HUWE1: variants seen among roughly 807,000 people sequenced by gnomAD.
The protein encoded by HUWE1 is E3 ubiquitin-protein ligase HUWE1.
HUWE1 carries 18 observed loss-of-function variants against 299.4 expected under a neutral mutation model. The ratio of observed to expected loss-of-function variants is 0.06; its 90% confidence interval spans 0.04 to 0.09. The LOEUF (loss-of-function observed/expected upper bound fraction) is 0.09, where lower values mean the gene tolerates loss of function less well. HUWE1 is among the 10% of genes least tolerant of loss of function. HUWE1 has a pLI of 1.00. For synonymous variants in HUWE1, 1,317 were observed against 1,286.1 expected (o/e 1.02, Z -0.51); for missense variants, 1,832 against 3,462.3 (o/e 0.53, Z 11.82).
At chrX:53,626,398 T>C (rs1557017811) in intron 17 of HUWE1, among the ~76,000 whole-genome samples, 1 of 110,775 alleles carries the variant, frequency 9.0e-6, no homozygotes, top group Non-Finnish European at 1.9e-5. Context: ...AAAAGAGTAA[T>C]TAATAAATAT....
rs2062225730 is a variant in HUWE1 at position 53,560,319 on chromosome X, T to G, written c.7605A>C (p.Ser2535=). 8.3e-7 allele frequency: 1 copy of G among 1,211,549 alleles called. No homozygotes were observed. Among genetic ancestry groups the G allele is most frequent in the Admixed American group, 2.2e-5 (1 of 46,039 alleles). The change falls in exon 56 of 84, where the codon TCA becomes TCC. Residue 2535 remains serine, a synonymous_variant. Coordinates refer to ENST00000262854, the MANE Select transcript of HUWE1 (RefSeq NM_031407.7). ...HSSLTLGSGS[S]TTRLTQGIGR... ...CGATGCCCTGGGTGAGACGAGTTGT[T>G]GAAGAGCCACTGCCCAGTGTCAGAG...
chrX:53,592,358 T>G, intron 33 of HUWE1, 40 bp downstream of exon 33: 1 of 1,006,452 alleles, frequency 9.9e-7, no homozygotes, highest in Non-Finnish European at 1.4e-6. Flanking sequence ...CTCCATTGGG[T>G]GCAAAGTCTG....
intron 71 of HUWE1, 84 bp downstream of exon 71, chrX:53,544,945 T>TA: frequency 9.2e-7 from 1 of 1,085,941 alleles, no homozygotes; most frequent in Non-Finnish European, 1.3e-6. Context: ...CCCAGAGAAA[T>TA]AAAAAAGACC....
chrX:53,684,247 T>C (rs1357569404), intron 2 of HUWE1: 1 of 173,795 alleles, frequency 5.8e-6, no homozygotes, highest in Non-Finnish European at 1.1e-5. Flanking sequence ...GAGACCTTCT[T>C]AATTCACCGC....
At chrX:53,545,663 G>C (rs1225970423) in intron 70 of HUWE1, among the ~76,000 whole-genome samples, 1 of 112,008 alleles carries the variant, frequency 8.9e-6, no homozygotes, top group Non-Finnish European at 1.9e-5. Flanking sequence ...GCAGCCAAGA[G>C]AGAAAGGTCA....
intron 42 of HUWE1, among the ~76,000 whole-genome samples, chrX:53,581,261 G>A (rs1426121332): frequency 8.9e-6 from 1 of 112,034 alleles, no homozygotes; most frequent in Non-Finnish European, 1.9e-5. Context: ...GAAACTGGGA[G>A]ATGTGTCAAG....
At position 53,647,578 on chromosome X, in the gene HUWE1, G is replaced by A; in HGVS notation, c.145-4C>T. The A allele has an allele frequency of 8.5e-7, 1 of 1,171,590 alleles. No homozygotes were observed. Among genetic ancestry groups the A allele is most frequent in the Non-Finnish European group, 1.2e-6 (1 of 858,792 alleles). On this transcript the variant is annotated splice_region_variant and splice_polypyrimidine_tract_variant and intron_variant, in intron 5 of 83. Transcript: ENST00000262854. ...CCACCCAGTGATATAACTCGCACTG[G>A]AGAGGGGAGGAAAAAGAGGATGTAA... is the stretch of plus-strand genomic sequence containing the variant.
chrX:53,562,075 G>A lies in HUWE1; in HGVS notation c.7338+36C>T, dbSNP rs782077029. 28 of 1,208,666 alleles carry A rather than the reference G, an allele frequency of 2.3e-5. No individual in the cohort carries two copies. The East Asian group carries it at 5.0e-4, about 22-fold the overall frequency. ...GCAGCTCTATGTTCCCATGGAAGAG[G>A]TCATCTGAACCAACCCAAACGCAGT... is the stretch of plus-strand genomic sequence containing the variant. On this transcript the variant is annotated intron_variant, in intron 54 of 83. Coordinates refer to ENST00000262854, the MANE Select transcript of HUWE1 (RefSeq NM_031407.7).
At chrX:53,607,090 G>A (rs193223652) in intron 25 of HUWE1, among the ~76,000 whole-genome samples, 2 of 111,373 alleles carry the variant, frequency 1.8e-5, no homozygotes, top group African/African-American at 3.3e-5. Flanking sequence ...GGGGAATTAA[G>A]TATCGGCAAT....
chrX:53,578,087 T>G (rs141004366), intron 43 of HUWE1, among the ~76,000 whole-genome samples: 1 of 93,196 alleles, frequency 1.1e-5, no homozygotes, highest in African/African-American at 4.1e-5. Flanking sequence ...GAGCGCCTCT[T>G]CCCCGCCGCC....
chrX:53,600,852 T>C (rs2064789067), intron 28 of HUWE1, among the ~76,000 whole-genome samples: 1 of 112,556 alleles, frequency 8.9e-6, no homozygotes, highest in African/African-American at 3.2e-5. Context: ...CCAGAAAAAC[T>C]GTGGAGAAGC....
intron 3 of HUWE1, among the ~76,000 whole-genome samples, chrX:53,676,017 A>T (rs781981922): frequency 9.0e-6 from 1 of 111,366 alleles, no homozygotes; most frequent in African/African-American, 3.3e-5. Flanking sequence ...TGGAACATTC[A>T]GTTATCACTG....
rs2147845573 is a variant in HUWE1 at position 53,568,726 on chromosome X, G to A, written c.6673C>T (p.Leu2225=). Residue 2225 remains leucine (L), a synonymous_variant, in exon 49 of 84, where the codon CTG becomes TTG. Transcript: ENST00000262854. ...TCTAAGCTGTGAGGTACTCTGGCCAGGTCATTAACCAGTCCCTTCTTCAGG... is the reference window on the plus strand; with the variant it reads ...TCTAAGCTGTGAGGTACTCTGGCCAAGTCATTAACCAGTCCCTTCTTCAGG... ...LFLKKGLVND[L]ARVPHSLDLS... The A allele has an allele frequency of 8.3e-7, 1 of 1,211,244 alleles. No homozygotes were observed. The highest frequency in any genetic ancestry group is 1.1e-6 in the Non-Finnish European group (1 of 895,243).
At chrX:53,577,667 C>T (rs1163676600) in intron 43 of HUWE1, among the ~76,000 whole-genome samples, 2 of 111,823 alleles carry the variant, frequency 1.8e-5, no homozygotes, top group African/African-American at 3.2e-5. Context: ...TGCAGGCGCG[C>T]GCCGCCACGC....
Position 53,627,869 on chromosome X carries a change from A to C in HUWE1, c.1253T>G (p.Phe418Cys). 8.3e-7 allele frequency: 1 copy of C among 1,210,170 alleles called. No homozygotes were observed. Among genetic ancestry groups the C allele is most frequent in the Non-Finnish European group, 1.1e-6 (1 of 894,093 alleles). The change falls in exon 16 of 84, where the codon TTT (phenylalanine) becomes TGT (cysteine). Residue 418 changes from phenylalanine to cysteine, a missense_variant. Phe to Cys is a radical substitution (Grantham distance 205, BLOSUM62 -2). Around this residue, in one of 15 missense-constraint regions of HUWE1, gnomAD observed 658 missense variants for 1,282.6 expected, o/e 0.51. Coordinates refer to ENST00000262854, the MANE Select transcript of HUWE1 (RefSeq NM_031407.7). ...MMEALLKVIK[F>C]LGDEQDQITF... ...TATCTGGTCCTGTTCATCGCCAAGA[A>C]ACTTTATGACCTATCACGGAGAAAA...
chrX:53,580,500 G>A (rs1228147855), intron 43 of HUWE1, among the ~76,000 whole-genome samples: 2 of 111,846 alleles, frequency 1.8e-5, no homozygotes, highest in African/African-American at 6.5e-5. Flanking sequence ...TGTGTTACAC[G>A]AGACATACAT....
At chrX:53,679,179 AAAAAC>A (rs2069993254) in intron 3 of HUWE1, among the ~76,000 whole-genome samples, 1 of 111,673 alleles carries the variant, frequency 9.0e-6, no homozygotes, top group Non-Finnish European at 1.9e-5. Context: ...GGAAGAAAAA[AAAAAC>A]AAAAGACAGA....
Position 53,577,471 on chromosome X carries a change from A to C in HUWE1, c.5717-404T>G, listed in dbSNP as rs1982343406. 4.1e-5 allele frequency among the ~76,000 whole-genome samples: 4 copies of C among 97,518 alleles called. No homozygotes were observed. In the South Asian group the frequency reaches 1.5e-3, roughly 36 times the overall value. 84.7% of individuals were successfully genotyped at this position (97,518 alleles called of 115,157 possible). A position where few individuals can be genotyped will look rare whatever the true frequency, so the allele number is the denominator to read the frequency against. On this transcript the variant is annotated intron_variant, in intron 43 of 83. Coordinates refer to ENST00000262854, the MANE Select transcript of HUWE1 (RefSeq NM_031407.7). Reference sequence around the variant, plus strand: ...CAACGTTTTATTAAAAAAAAAAAAAAAAAAACTCCCTCTCCCTCCTCTCCC... The same window carrying C: ...CAACGTTTTATTAAAAAAAAAAAAACAAAAACTCCCTCTCCCTCCTCTCCC...
chrX:53,568,642 G>A, intron 49 of HUWE1, 50 bp downstream of exon 49: 1 of 1,129,634 alleles, frequency 8.9e-7, no homozygotes, highest in Non-Finnish European at 1.2e-6. Flanking sequence ...CATCATTCGT[G>A]TAGTGAGGCT....
Sources: gnomAD v4.1 joint callset for allele counts (sites outside exome capture counted in the v4.1 genomes callset) on GRCh38, gnomAD v4.1.1 for gene constraint, gnomAD v4.1.1 regional missense constraint, MANE v1.5 for transcripts, NCBI Gene and HGNC (gene_info 2026-07-23, HGNC 2026-07-21) for gene names.